Variants in MROH9 observed in about 807,000 individuals in gnomAD.
MROH9 encodes the protein maestro heat-like repeat-containing protein family member 9.
A neutral mutation model predicts 98.2 loss-of-function variants in MROH9; 92 were observed. The observed-to-expected ratio is 0.94, with a 90% confidence interval of 0.79 to 1.11. MROH9 has a LOEUF of 1.11. MROH9 is among the 50% of genes most tolerant of loss of function. The probability of loss-of-function intolerance (pLI) is 0.00; values close to 1 mark genes in which losing one functional copy is unlikely to be tolerated. For synonymous variants in MROH9, 397 were observed against 368.9 expected (o/e 1.08, Z -0.87); for missense variants, 1,057 against 1,014.8 (o/e 1.04, Z -0.57).
chr1:170,995,526 G>A lies in MROH9; in HGVS notation c.1332G>A (p.Arg444=), dbSNP rs1189497237. Residue 444 remains arginine (R), a synonymous_variant, in exon 13 of 22, where the codon AGG becomes AGA. Transcript: ENST00000367759. The part of the protein sequence containing the change: ...NSELKPILKD[R]ALYAQDALRV... ...AGCTGAAACCGATACTCAAGGACAG[G>A]GCTTTGTGAGTTAAAACTGGTTATT... 2 of 1,613,012 alleles carry A rather than the reference G, an allele frequency of 1.2e-6. No individual in the cohort carries two copies.
intron 15 of MROH9, among the ~76,000 whole-genome samples, chr1:171,009,836 G>T (rs4447041): frequency 0.013 from 1,949 of 152,308 alleles, 49 homozygotes; most frequent in African/African-American, 0.045. Context: ...ACCCAAAGAA[G>T]GGCTAAAGGC....
intron 2 of MROH9, among the ~76,000 whole-genome samples, chr1:170,947,068 T>C (rs1458158462): frequency 6.6e-6 from 1 of 152,010 alleles, no homozygotes; most frequent in Non-Finnish European, 1.5e-5. Flanking sequence ...ACACTTCTAT[T>C]TATTTTCTAA....
chr1:170,995,253 C>G, intron 12 of MROH9, 136 bp from the exon 13 acceptor site: 1 of 825,664 alleles, frequency 1.2e-6, no homozygotes, highest in Non-Finnish European at 1.9e-6. Flanking sequence ...TGAATGGATA[C>G]CCATATGTGC....
At chr1:171,007,570 C>G (rs1020417907) in intron 15 of MROH9, among the ~76,000 whole-genome samples, 1 of 152,188 alleles carries the variant, frequency 6.6e-6, no homozygotes, top group Non-Finnish European at 1.5e-5. Flanking sequence ...GAACTGCTCC[C>G]AAACTGAAGC....
intron 20 of MROH9, among the ~76,000 whole-genome samples, chr1:171,039,730 A>T (rs1653234462): frequency 6.6e-6 from 1 of 152,176 alleles, no homozygotes; most frequent in African/African-American, 2.4e-5. Flanking sequence ...AGAAATTTTC[A>T]TTCATTTATC....
At chr1:170,947,266 T>C (rs1264386792) in intron 2 of MROH9, among the ~76,000 whole-genome samples, 1 of 152,076 alleles carries the variant, frequency 6.6e-6, no homozygotes, top group Non-Finnish European at 1.5e-5. Flanking sequence ...TATTGAACCA[T>C]CCTCTATGTA....
At chr1:170,999,846 G>C (rs1193898799) in intron 15 of MROH9, among the ~76,000 whole-genome samples, 1 of 151,968 alleles carries the variant, frequency 6.6e-6, no homozygotes, top group Non-Finnish European at 1.5e-5. Context: ...AACATCTACT[G>C]TTTTTTGATT....
chr1:171,049,337 G>A (rs1653579331), intron 20 of MROH9, among the ~76,000 whole-genome samples: 1 of 152,162 alleles, frequency 6.6e-6, no homozygotes, highest in South Asian at 2.1e-4. Flanking sequence ...CCCAGTGGCA[G>A]CAGTATGGTG....
intron 12 of MROH9, among the ~76,000 whole-genome samples, chr1:170,992,820 G>T (rs933871942): frequency 6.6e-6 from 1 of 152,142 alleles, no homozygotes; most frequent in Non-Finnish European, 1.5e-5. Context: ...TTGGGCAAGG[G>T]AGATGAAAGT....
chr1:170,944,161 AGAG>A (rs999351316), intron 1 of MROH9, among the ~76,000 whole-genome samples: 6 of 152,178 alleles, frequency 3.9e-5, no homozygotes, highest in Non-Finnish European at 8.8e-5. Context: ...GAGGAGTGAC[AGAG>A]AAGAGAAAAT....
At chr1:171,018,369 A>G (rs1413187233) in intron 17 of MROH9, among the ~76,000 whole-genome samples, 1 of 152,156 alleles carries the variant, frequency 6.6e-6, no homozygotes, top group Admixed American at 6.5e-5. Context: ...ACAAAAAAAA[A>G]AAAGTCCCCA....
intron 1 of MROH9, among the ~76,000 whole-genome samples, chr1:170,943,586 A>G (rs562092079): frequency 2.6e-5 from 4 of 152,160 alleles, no homozygotes; most frequent in South Asian, 4.1e-4. Flanking sequence ...CTTAATTTCA[A>G]AAATAAACAA....
At chr1:170,984,294 C>A (rs1651046006) in intron 9 of MROH9, among the ~76,000 whole-genome samples, 1 of 152,192 alleles carries the variant, frequency 6.6e-6, no homozygotes. Context: ...GTGTCTTCTT[C>A]CATGGCTGAG....
chr1:170,939,062 AT>A (rs1649013359), intron 1 of MROH9, among the ~76,000 whole-genome samples: 1 of 152,242 alleles, frequency 6.6e-6, no homozygotes, highest in African/African-American at 2.4e-5. Context: ...TATCTGCTTG[AT>A]TATTAAATAA....
At position 171,060,870 on chromosome 1, in the gene MROH9, A is replaced by G. The variant is rs564707927; in HGVS notation, c.2282-1262A>G. Among the ~76,000 whole-genome samples, 4 of 152,316 alleles carry G rather than the reference A, an allele frequency of 2.6e-5. No individual in the cohort carries two copies. In the South Asian group the frequency reaches 6.2e-4, roughly 24 times the overall value. On this transcript the variant is annotated intron_variant, in intron 20 of 21. Coordinates refer to ENST00000367759, the MANE Select transcript of MROH9 (RefSeq NM_001163629.2). ...AAATTAACTGACCATAAATGTAAAG[A>G]TGATGAGTTCAACTACATTGAAATT...
At chr1:170,993,556 T>C (rs1176834863) in intron 12 of MROH9, among the ~76,000 whole-genome samples, 1 of 152,196 alleles carries the variant, frequency 6.6e-6, no homozygotes, top group Non-Finnish European at 1.5e-5. Flanking sequence ...AATAGATTTC[T>C]GCATGCCAAA....
At chr1:171,040,760 A>G (rs1653270049) in intron 20 of MROH9, among the ~76,000 whole-genome samples, 1 of 152,066 alleles carries the variant, frequency 6.6e-6, no homozygotes, top group South Asian at 2.1e-4. Flanking sequence ...AGTGTCTAGC[A>G]TATGGCAGTT....
chr1:171,042,232 A>G (rs1265102501), intron 20 of MROH9, among the ~76,000 whole-genome samples: 1 of 152,128 alleles, frequency 6.6e-6, no homozygotes, highest in Non-Finnish European at 1.5e-5. Context: ...AAGTGAGAAC[A>G]TGCAAAGATT....
rs117957365 is a variant in MROH9 at position 170,985,806 on chromosome 1, C to T, written c.730-755C>T. ...GATTCCCTTCCATCACCCCTCTGCC[C>T]AGTGGGAGAGGAGCTAGTGATCATC... On this transcript the variant is annotated intron_variant, in intron 9 of 21. Transcript: ENST00000367759. Among the ~76,000 whole-genome samples the T allele has an allele frequency of 8.6e-5, 13 of 151,918 alleles. No homozygotes were observed. The East Asian group carries it at 2.3e-3, about 27-fold the overall frequency.
Sources: allele counts gnomAD v4.1 joint callset (sites outside exome capture counted in the v4.1 genomes callset), GRCh38; gene constraint gnomAD v4.1.1; transcripts MANE v1.5; gene names NCBI Gene and HGNC (gene_info 2026-07-23, HGNC 2026-07-21).